TMCO5A: variants seen among roughly 807,000 people sequenced by gnomAD.
TMCO5A encodes the protein transmembrane and coiled-coil domains 5A, also known as transmembrane and coiled-coil domain-containing protein 5A.
Under a neutral mutation model 42.3 loss-of-function variants are expected in TMCO5A, and 34 were observed. That is an observed-to-expected ratio of 0.80 (90% CI 0.61 to 1.07). The LOEUF is 1.07. Ranked by LOEUF, TMCO5A falls within the 50% of genes least tolerant of loss-of-function variation. The probability of loss-of-function intolerance (pLI) is 0.00; values close to 1 mark genes in which losing one functional copy is unlikely to be tolerated. For synonymous variants in TMCO5A, 131 were observed against 115.6 expected (o/e 1.13, Z -0.86); for missense variants, 357 against 327.9 (o/e 1.09, Z -0.69).
At chr15:37,950,894 C>T (rs1890132648) in intron 11 of TMCO5A, 142 bp from the exon 12 acceptor site, 1 of 669,476 alleles carries the variant, frequency 1.5e-6, no homozygotes, top group East Asian at 2.7e-5. Flanking sequence ...GGGGAGCTGC[C>T]ATTATAAAAG....
chr15:37,969,440 A>C (rs1890631866), downstream of TMCO5A, among the ~76,000 whole-genome samples: 7 of 152,308 alleles, frequency 4.6e-5, no homozygotes, highest in South Asian at 1.4e-3. Context: ...TTCTGATAAT[A>C]CCAGTAACTC....
At chr15:38,000,489 T>C in the TMCO5A span, among the ~76,000 whole-genome samples, 8 of 152,156 alleles carry the variant, frequency 5.3e-5, no homozygotes, top group South Asian at 1.7e-3. Context: ...TTGATCTTTG[T>C]GTATTTTTAT....
chr15:37,937,201 T>C (rs1889549009), intron 4 of TMCO5A, 145 bp from the exon 5 acceptor site: 6 of 1,121,332 alleles, frequency 5.4e-6, no homozygotes, highest in Non-Finnish European at 6.4e-6. Context: ...TCACCTGTGG[T>C]TTGATTTCAA....
intron 11 of TMCO5A, among the ~76,000 whole-genome samples, chr15:37,961,356 T>C (rs1890423195): frequency 6.6e-6 from 1 of 152,080 alleles, no homozygotes; most frequent in South Asian, 2.1e-4. Context: ...GCTATAAGTA[T>C]TTGGGTTTAT....
chr15:37,954,904 G>T (rs1249697685), downstream of TMCO5A, among the ~76,000 whole-genome samples: 1 of 151,794 alleles, frequency 6.6e-6, no homozygotes, highest in Non-Finnish European at 1.5e-5. Context: ...TTATAAGATA[G>T]TATTTGCTAA....
At chr15:37,985,590 A>T in the TMCO5A span, among the ~76,000 whole-genome samples, 1,940 of 152,308 alleles carry the variant, frequency 0.013, 41 homozygotes, top group African/African-American at 0.044. Flanking sequence ...TTTTTAGAAA[A>T]TAATCAGTTA....
intron 5 of TMCO5A, 45 bp from the exon 6 acceptor site, chr15:37,938,113 C>A: frequency 1.3e-6 from 2 of 1,499,166 alleles, no homozygotes; most frequent in South Asian, 1.2e-5. Context: ...AAGTCTTTGC[C>A]TTCTACACCT....
chr15:37,953,811 T>C (rs140325139), downstream of TMCO5A, among the ~76,000 whole-genome samples: 5 of 151,968 alleles, frequency 3.3e-5, no homozygotes, highest in African/African-American at 1.2e-4. Flanking sequence ...AAATTCAAGA[T>C]AACACAGAGA....
At chr15:37,964,008 A>AT (rs544233758) in intron 11 of TMCO5A, among the ~76,000 whole-genome samples, 1 of 151,500 alleles carries the variant, frequency 6.6e-6, no homozygotes, top group Admixed American at 6.6e-5. Flanking sequence ...TAAATCAGAG[A>AT]TTTTTTTTCT....
chr15:37,986,391 G>GTC, the TMCO5A span, among the ~76,000 whole-genome samples: 6 of 145,222 alleles, frequency 4.1e-5, no homozygotes, highest in East Asian at 1.2e-3. Context: ...GTGTGTGTGT[G>GTC]TGTGTGTGTG....
At chr15:37,989,435 A>G in the TMCO5A span, among the ~76,000 whole-genome samples, 1 of 152,000 alleles carries the variant, frequency 6.6e-6, no homozygotes, top group Non-Finnish European at 1.5e-5. Context: ...AAATATTTAT[A>G]TCTACAAATT....
In TMCO5A at chr15:37,942,116, C is replaced by G. The variant is rs567601466; in HGVS notation, c.505-75C>G. 3.7e-6 allele frequency: 5 copies of G among 1,344,612 alleles called. No individual in the cohort carries two copies. The South Asian group carries it at 4.9e-5, about 13-fold the overall frequency. The allele number at this position is 1,344,612 out of a possible 1,614,324, so 83.3% of individuals were successfully genotyped here. On this transcript the variant is annotated intron_variant, in intron 8 of 11. Coordinates refer to ENST00000319669, the MANE Select transcript of TMCO5A (RefSeq NM_152453.4). ...AAGCATTCATGGTATCATGTAATAA[C>G]AAGTGCTTATTATGCTTAGAAAAAT...
At chr15:37,958,293 G>A (rs1245949546) in intron 11 of TMCO5A, among the ~76,000 whole-genome samples, 1 of 152,150 alleles carries the variant, frequency 6.6e-6, no homozygotes, top group African/African-American at 2.4e-5. Context: ...TATCATCAGA[G>A]TGAACAGGCA....
At chr15:37,964,617 T>C (rs1337068355) in intron 11 of TMCO5A, among the ~76,000 whole-genome samples, 3 of 152,064 alleles carry the variant, frequency 2.0e-5, no homozygotes, top group Non-Finnish European at 2.9e-5. Flanking sequence ...AGTGTTTCTA[T>C]ATGCCAACAG....
intron 11 of TMCO5A, 41 bp downstream of exon 11, chr15:37,947,737 G>T (rs759695817): frequency 1.4e-6 from 2 of 1,428,626 alleles, no homozygotes; most frequent in Admixed American, 1.7e-5. Flanking sequence ...ATAAAATTGG[G>T]AGCCCTATTT....
intron 5 of TMCO5A, 68 bp downstream of exon 5, chr15:37,937,464 G>A: frequency 1.3e-6 from 2 of 1,554,808 alleles, no homozygotes; most frequent in Non-Finnish European, 1.8e-6. Flanking sequence ...GGCAAGGTTT[G>A]GGGGAAGTGA....
the TMCO5A span, among the ~76,000 whole-genome samples, chr15:37,993,817 G>A: frequency 6.6e-5 from 10 of 152,258 alleles, no homozygotes; most frequent in Admixed American, 3.9e-4. Flanking sequence ...CAATGGGTAC[G>A]GATGTGTTGC....
At chr15:37,953,283 G>T (rs1008018090), downstream of TMCO5A, among the ~76,000 whole-genome samples, 61 of 152,172 alleles carry the variant, frequency 4.0e-4, no homozygotes, top group Admixed American at 6.5e-4. Context: ...GCTGGCTTCA[G>T]GTCTAACGGT....
the TMCO5A span, among the ~76,000 whole-genome samples, chr15:38,009,660 A>T: frequency 6.6e-6 from 1 of 152,202 alleles, no homozygotes; most frequent in African/African-American, 2.4e-5. Context: ...TGGGAAAGCA[A>T]CACAGCAGAG....
Sources: gnomAD v4.1 joint callset for allele counts (sites outside exome capture counted in the v4.1 genomes callset) on GRCh38, gnomAD v4.1.1 for gene constraint, MANE v1.5 for transcripts, NCBI Gene and HGNC (gene_info 2026-07-23, HGNC 2026-07-21) for gene names.